PTPRZ1: variants seen among roughly 807,000 people sequenced by gnomAD.
PTPRZ1 encodes receptor-type tyrosine-protein phosphatase zeta.
Under a neutral mutation model 214.1 loss-of-function variants are expected in PTPRZ1, and 82 were observed. The ratio of observed to expected loss-of-function variants is 0.38; its 90% CI spans 0.32 to 0.46. The LOEUF is 0.46. PTPRZ1 is among the 20% of genes least tolerant of loss of function. The pLI is 1.00. For missense variants in PTPRZ1, 2,603 were observed against 2,748.7 expected, an observed-to-expected ratio of 0.95 and a Z score of 1.19; for synonymous variants, 945 against 987.9, an observed-to-expected ratio of 0.96 and a Z score of 0.81.
At chr7:121,979,048 T>C (rs1797524761) in intron 6 of PTPRZ1, among the ~76,000 whole-genome samples, 1 of 141,498 alleles carries the variant, frequency 7.1e-6, no homozygotes, top group African/African-American at 2.7e-5. Flanking sequence ...TGGCTCTGTA[T>C]TCACCATATA....
intron 2 of PTPRZ1, among the ~76,000 whole-genome samples, chr7:121,960,310 G>A (rs150012795): frequency 0.037 from 5,639 of 152,202 alleles, 117 homozygotes; most frequent in East Asian, 0.088. Flanking sequence ...CAAAGTGCTG[G>A]GATTACAGGT....
chr7:122,005,943 TTTAG>T (rs1446404895), intron 11 of PTPRZ1, among the ~76,000 whole-genome samples: 6 of 152,036 alleles, frequency 3.9e-5, no homozygotes, highest in African/African-American at 1.2e-4. Flanking sequence ...AAGATCCATG[TTTAG>T]TTATTTTTCT....
chr7:122,023,782 T>TATATAATGTATAATTTTATATATA (rs1799118068), intron 13 of PTPRZ1, among the ~76,000 whole-genome samples: 1 of 129,118 alleles, frequency 7.7e-6, no homozygotes, highest in Non-Finnish European at 1.6e-5. Context: ...ATATAATATA[T>TATATAATGTATAATTTTATATATA]ATTATATGTA....
intron 1 of PTPRZ1, among the ~76,000 whole-genome samples, chr7:121,875,120 G>A (rs1483534519): frequency 6.6e-6 from 1 of 151,044 alleles, no homozygotes; most frequent in Non-Finnish European, 1.5e-5. Context: ...TAATATATTC[G>A]TGAAGTTGTG....
chr7:121,952,059 C>T (rs1455784745), intron 2 of PTPRZ1, among the ~76,000 whole-genome samples: 1 of 151,722 alleles, frequency 6.6e-6, no homozygotes, highest in Non-Finnish European at 1.5e-5. Context: ...CCCGGGTTCA[C>T]GCCATTCTCC....
intron 1 of PTPRZ1, chr7:121,908,441 G>T: frequency 2.5e-6 from 1 of 394,410 alleles, no homozygotes; most frequent in Non-Finnish European, 4.9e-6. Context: ...GAATACTAAT[G>T]TATCCAACTT....
chr7:122,041,608 T>A (rs1340739046), intron 21 of PTPRZ1, among the ~76,000 whole-genome samples: 1 of 152,140 alleles, frequency 6.6e-6, no homozygotes, highest in East Asian at 1.9e-4. Flanking sequence ...ATGTTGAAAA[T>A]CCTTATTTAA....
chr7:121,955,717 T>G (rs947268951), intron 2 of PTPRZ1, among the ~76,000 whole-genome samples: 3 of 152,224 alleles, frequency 2.0e-5, no homozygotes, highest in African/African-American at 7.2e-5. Context: ...CAGGCAAATA[T>G]AAAGGTCATA....
intron 8 of PTPRZ1, among the ~76,000 whole-genome samples, chr7:121,993,045 A>T (rs79924303): frequency 0.014 from 2,159 of 152,294 alleles, 19 homozygotes; most frequent in Non-Finnish European, 0.02. Context: ...ACATGTAGAC[A>T]TGGAAAGGAA....
intron 2 of PTPRZ1, among the ~76,000 whole-genome samples, chr7:121,951,554 A>G (rs560042301): frequency 6.6e-6 from 1 of 152,290 alleles, no homozygotes; most frequent in Admixed American, 6.5e-5. Context: ...GTTGACTTTT[A>G]CCTTGTCCTT....
intron 1 of PTPRZ1, among the ~76,000 whole-genome samples, chr7:121,896,734 C>T (rs1395435490): frequency 6.6e-6 from 1 of 151,226 alleles, no homozygotes; most frequent in Non-Finnish European, 1.5e-5. Flanking sequence ...GATCGCGCCA[C>T]TGCACTCTAG....
intron 1 of PTPRZ1, among the ~76,000 whole-genome samples, chr7:121,920,055 C>A (rs1201578289): frequency 1.3e-5 from 2 of 151,906 alleles, no homozygotes; most frequent in East Asian, 1.9e-4. Context: ...TTCACATTTT[C>A]TTTTATATTA....
chr7:122,039,442 T>A lies in PTPRZ1; in HGVS notation c.5503-12T>A. On this transcript the variant is annotated splice_polypyrimidine_tract_variant and intron_variant, in intron 19 of 29. Transcript: ENST00000393386. ...TGAAATACAGAAGTAACATCTACAT[T>A]TTCTTTTGCAGAGAAAATGTGATCA... The A allele has an allele frequency of 6.2e-7, 1 of 1,606,402 alleles. No homozygotes were observed. The highest frequency in any genetic ancestry group is 8.5e-7 in the Non-Finnish European group (1 of 1,178,228).
At chr7:121,876,737 T>C (rs1412649089) in intron 1 of PTPRZ1, among the ~76,000 whole-genome samples, 1 of 152,150 alleles carries the variant, frequency 6.6e-6, no homozygotes, top group Non-Finnish European at 1.5e-5. Context: ...TTTTTACGTA[T>C]ACTGTGGTTG....
At chr7:121,875,830 T>A (rs183316582) in intron 1 of PTPRZ1, among the ~76,000 whole-genome samples, 1 of 152,352 alleles carries the variant, frequency 6.6e-6, no homozygotes, top group Admixed American at 6.5e-5. Context: ...TCCATTTCAA[T>A]TATTTTTCAC....
At chr7:121,979,019 A>G (rs1334749018) in intron 6 of PTPRZ1, among the ~76,000 whole-genome samples, 31 of 151,884 alleles carry the variant, frequency 2.0e-4, no homozygotes, top group South Asian at 2.1e-4. Flanking sequence ...TTCTGGAACC[A>G]CAGCTAAATC....
intron 1 of PTPRZ1, among the ~76,000 whole-genome samples, chr7:121,921,589 C>T (rs1795598348): frequency 6.6e-6 from 1 of 152,046 alleles, no homozygotes; most frequent in Non-Finnish European, 1.5e-5. Flanking sequence ...ACTCTTATAA[C>T]TCATATTTTT....
chr7:121,955,213 G>A (rs982412715), intron 2 of PTPRZ1, among the ~76,000 whole-genome samples: 7 of 152,192 alleles, frequency 4.6e-5, no homozygotes, highest in African/African-American at 1.7e-4. Flanking sequence ...TAAGCATCGA[G>A]TACAGCCCTG....
chr7:122,013,781 G>C lies in PTPRZ1; in HGVS notation c.4735G>C (p.Asp1579His), dbSNP rs780527840. Residue 1579 changes from aspartate to histidine, a missense_variant, in exon 12 of 30, where the codon GAT becomes CAT. Coordinates refer to ENST00000393386, the MANE Select transcript of PTPRZ1 (RefSeq NM_002851.3). ...SFADTNEKDA[D>H]GILAAGDSEI... ...TGCAGACACTAATGAAAAAGATGCT[G>C]ATGGGATCCTGGCAGCAGGTGACTC... is the stretch of plus-strand genomic sequence containing the variant. 5.6e-6 allele frequency: 9 copies of C among 1,614,116 alleles called. No individual in the cohort carries two copies. The highest frequency in any genetic ancestry group is 7.6e-6 in the Non-Finnish European group (9 of 1,179,966).
Sources: gnomAD v4.1 joint callset for allele counts (sites outside exome capture counted in the v4.1 genomes callset) on GRCh38, gnomAD v4.1.1 for gene constraint, MANE v1.5 for transcripts, NCBI Gene and HGNC (gene_info 2026-07-23, HGNC 2026-07-21) for gene names.